Variants in NSMCE1 observed in about 807,000 individuals in gnomAD.
NSMCE1 encodes NSE1 component of SMC5/6 complex, also known as non-structural maintenance of chromosomes element 1 homolog.
A neutral mutation model predicts 29.6 loss-of-function variants in NSMCE1; 18 were observed. The ratio of observed to expected loss-of-function variants is 0.61; its 90% CI spans 0.42 to 0.90. NSMCE1 has a LOEUF of 0.90. Among genes scored for constraint, NSMCE1 ranks in the 40% least tolerant of loss-of-function variants. NSMCE1 has a pLI of 0.00. For synonymous variants in NSMCE1, 124 were observed against 133.4 expected (o/e 0.93, Z 0.49); for missense variants, 314 against 343.6 (o/e 0.91, Z 0.68).
intron 2 of NSMCE1, among the ~76,000 whole-genome samples, chr16:27,248,854 G>A (rs955830630): frequency 1.3e-5 from 2 of 151,608 alleles, no homozygotes; most frequent in Non-Finnish European, 2.9e-5. Context: ...TTTGAGACAG[G>A]ATCTCCCTCT....
chr16:27,267,673 C>T (rs968865460), intron 1 of NSMCE1, among the ~76,000 whole-genome samples: 5 of 149,974 alleles, frequency 3.3e-5, no homozygotes, highest in African/African-American at 1.2e-4. Flanking sequence ...AGTTGGAAAA[C>T]TTGACCTGAC....
chr16:27,233,678 C>CA (rs767862072), intron 4 of NSMCE1, among the ~76,000 whole-genome samples: 4 of 152,234 alleles, frequency 2.6e-5, no homozygotes, highest in Admixed American at 2.0e-4. Flanking sequence ...GCCTGAGAAC[C>CA]ACTCTTAGCC....
At chr16:27,268,103 C>G (rs889130014) in intron 1 of NSMCE1, 2 of 152,120 alleles carry the variant, frequency 1.3e-5, no homozygotes, top group Non-Finnish European at 2.9e-5. Context: ...TATTTGATTA[C>G]AAGCCGCTGC....
intron 1 of NSMCE1, among the ~76,000 whole-genome samples, chr16:27,263,377 G>T (rs1167928827): frequency 6.6e-6 from 1 of 152,216 alleles, no homozygotes; most frequent in Non-Finnish European, 1.5e-5. Flanking sequence ...AGAAGAATGA[G>T]ATGATGTCTT....
chr16:27,236,961 A>G (rs1288479812), intron 2 of NSMCE1, among the ~76,000 whole-genome samples: 2 of 152,166 alleles, frequency 1.3e-5, no homozygotes, highest in African/African-American at 4.8e-5. Flanking sequence ...TTAAAAAAAA[A>G]AACAACAGAA....
intron 1 of NSMCE1, among the ~76,000 whole-genome samples, chr16:27,261,090 A>G (rs992959929): frequency 6.8e-6 from 1 of 146,972 alleles, no homozygotes; most frequent in South Asian, 2.3e-4. Context: ...TCGCTGGAAC[A>G]TGGGAGGCAG....
intron 2 of NSMCE1, among the ~76,000 whole-genome samples, chr16:27,256,125 G>A (rs569225268): frequency 1.1e-4 from 17 of 151,958 alleles, no homozygotes; most frequent in Admixed American, 8.5e-4. Flanking sequence ...ACCTGTACAC[G>A]CCCTTTCTCA....
intron 2 of NSMCE1, among the ~76,000 whole-genome samples, chr16:27,250,543 G>A (rs1313240782): frequency 6.6e-6 from 1 of 151,258 alleles, no homozygotes; most frequent in Admixed American, 6.6e-5. Context: ...TGTAATCCCA[G>A]CACTTTGGGA....
At chr16:27,257,376 C>T in intron 2 of NSMCE1, 59 bp downstream of exon 2, 1 of 1,492,558 alleles carries the variant, frequency 6.7e-7, no homozygotes, top group Non-Finnish European at 9.1e-7. Flanking sequence ...GTACCTATGT[C>T]ACTGGTCCCT....
At chr16:27,225,327 C>T in intron 7 of NSMCE1, 91 bp from the exon 8 acceptor site, 1 of 776,776 alleles carries the variant, frequency 1.3e-6, no homozygotes, top group Non-Finnish European at 2.3e-6. Context: ...GTCTCCTGTG[C>T]CAAGGACTGT....
chr16:27,235,276 C>G lies in NSMCE1; in HGVS notation c.160G>C (p.Glu54Gln), dbSNP rs1442748220. The G allele has an allele frequency of 6.2e-7, 1 of 1,613,712 alleles. No individual in the cohort carries two copies. Among genetic ancestry groups the G allele is most frequent in the Non-Finnish European group, 8.5e-7 (1 of 1,179,852 alleles). ...CTGTTAATGTTGTTGATGAAGTCCT[C>G]CAACTTATCTACGGTGGCATTGCCT... ...HDRNATVDKL[E>Q]DFINNINSVL... The change falls in exon 3 of 8, where the codon GAG becomes CAG. Residue 54 changes from glutamate to glutamine, a missense_variant. Physicochemically the swap from Glu to Gln is conservative, Grantham distance 29. Transcript: ENST00000361439.
chr16:27,257,690 A>C (rs1346115981), intron 1 of NSMCE1, 109 bp from the exon 2 acceptor site: 5 of 995,184 alleles, frequency 5.0e-6, no homozygotes, highest in Middle Eastern at 2.2e-4. Context: ...CATTTTTAAA[A>C]GTCATTCTTC....
chr16:27,238,277 G>A (rs539483851), intron 2 of NSMCE1, among the ~76,000 whole-genome samples: 102 of 152,204 alleles, frequency 6.7e-4, no homozygotes, highest in Non-Finnish European at 1.3e-3. Flanking sequence ...CCTCACACAT[G>A]TCCAGAACCC....
intron 6 of NSMCE1, 169 bp from the exon 7 acceptor site, chr16:27,226,015 G>T (rs988827641): frequency 4.2e-6 from 3 of 717,460 alleles, no homozygotes; most frequent in African/African-American, 3.6e-5. Flanking sequence ...GGAGTCTTTT[G>T]TTTGCTTGCT....
chr16:27,250,988 T>C (rs1325069393), intron 2 of NSMCE1, among the ~76,000 whole-genome samples: 1 of 146,928 alleles, frequency 6.8e-6, no homozygotes, highest in African/African-American at 2.5e-5. Flanking sequence ...ATTACAGGCA[T>C]GCACCACCGT....
chr16:27,244,548 C>A (rs975115616), intron 2 of NSMCE1, among the ~76,000 whole-genome samples: 1 of 152,218 alleles, frequency 6.6e-6, no homozygotes, highest in Non-Finnish European at 1.5e-5. Context: ...CAAGCTCCTC[C>A]CCATCTCAGC....
At chr16:27,239,965 T>C (rs1332855404) in intron 2 of NSMCE1, among the ~76,000 whole-genome samples, 2 of 145,598 alleles carry the variant, frequency 1.4e-5, no homozygotes, top group Admixed American at 1.4e-4. Context: ...GTGCCAGCAC[T>C]ATGCATTCAC....
chr16:27,264,618 T>C (rs1481847161), intron 1 of NSMCE1, among the ~76,000 whole-genome samples: 1 of 152,108 alleles, frequency 6.6e-6, no homozygotes, highest in Non-Finnish European at 1.5e-5. Flanking sequence ...CCTCATACTA[T>C]ATACAAACAT....
chr16:27,237,732 C>G (rs1303922049), intron 2 of NSMCE1, among the ~76,000 whole-genome samples: 1 of 152,254 alleles, frequency 6.6e-6, no homozygotes, highest in Non-Finnish European at 1.5e-5. Context: ...GCATTCTGAT[C>G]TATTGGACTT....
Sources: allele counts gnomAD v4.1 joint callset (sites outside exome capture counted in the v4.1 genomes callset), GRCh38; gene constraint gnomAD v4.1.1; transcripts MANE v1.5; gene names NCBI Gene and HGNC (gene_info 2026-07-23, HGNC 2026-07-21).